ZNF560: variants seen among roughly 807,000 people sequenced by gnomAD.
ZNF560 encodes the protein zinc finger protein 560.
In ZNF560, 54 loss-of-function variants were observed where a neutral mutation model predicts 81.8. That is an observed-to-expected ratio of 0.66 (90% CI 0.53 to 0.83). ZNF560 has a LOEUF of 0.83. ZNF560 is among the 40% of genes least tolerant of loss of function. ZNF560 has a pLI of 0.00. For missense variants in ZNF560, 940 were observed against 932.4 expected, an observed-to-expected ratio of 1.01 and a Z score of -0.11; for synonymous variants, 321 against 317.9, an observed-to-expected ratio of 1.01 and a Z score of -0.10.
chr19:9,502,437 C>G (rs886593511), upstream of ZNF560, among the ~76,000 whole-genome samples: 1 of 152,120 alleles, frequency 6.6e-6, no homozygotes, highest in African/African-American at 2.4e-5. Context: ...GTCTTGATCT[C>G]TTTACCTTGT....
chr19:9,455,231 C>T, the ZNF560 span, among the ~76,000 whole-genome samples: 4 of 152,160 alleles, frequency 2.6e-5, no homozygotes, highest in Non-Finnish European at 5.9e-5. Context: ...AACAGGCTAT[C>T]AATCAGTATG....
At chr19:9,459,933 ACT>A in the ZNF560 span, among the ~76,000 whole-genome samples, 20 of 151,880 alleles carry the variant, frequency 1.3e-4, no homozygotes, top group African/African-American at 4.6e-4. Context: ...ATGTTCCAAG[ACT>A]CTTTTACATT....
chr19:9,497,534 C>CAAA (rs58468618), intron 2 of ZNF560, among the ~76,000 whole-genome samples: 105 of 67,450 alleles, frequency 1.6e-3, no homozygotes, highest in South Asian at 2.6e-3. Flanking sequence ...GACCCCCTCT[C>CAAA]AAAAAAAAAA....
intron 2 of ZNF560, among the ~76,000 whole-genome samples, chr19:9,492,454 C>T (rs1483769548): frequency 6.6e-6 from 1 of 152,180 alleles, no homozygotes; most frequent in Non-Finnish European, 1.5e-5. Context: ...AGGCTTTTGC[C>T]TATACAATGC....
At chr19:9,490,668 T>A (rs925229307) in intron 2 of ZNF560, among the ~76,000 whole-genome samples, 3 of 152,232 alleles carry the variant, frequency 2.0e-5, no homozygotes, top group African/African-American at 7.2e-5. Context: ...CTGTTCCAAT[T>A]ATAATTTACA....
chr19:9,458,237 G>A, the ZNF560 span, among the ~76,000 whole-genome samples: 3 of 152,042 alleles, frequency 2.0e-5, no homozygotes, highest in Non-Finnish European at 2.9e-5. Flanking sequence ...GACTTTGTGG[G>A]TATTCTCAAT....
Position 9,473,256 on chromosome 19 carries a change from A to C in ZNF560, c.161T>G (p.Phe54Cys), listed in dbSNP as rs1399436762. 5 of 1,607,654 alleles carry C rather than the reference A, an allele frequency of 3.1e-6. No individual in the cohort carries two copies. The highest frequency in any genetic ancestry group is 4.2e-6 in the Non-Finnish European group (5 of 1,177,092). ...GATGACACTGGGTTTAAAGAGCTGA[A>C]ATCCTTTACATGAAGAAATGATACA... ...ENYENVAKVGFQLFKPSVISW... is the reference protein window; with the variant it reads ...ENYENVAKVGCQLFKPSVISW... The change falls in exon 5 of 10, where the codon TTT becomes TGT. Residue 54 changes from phenylalanine (F) to cysteine (C), a missense_variant. Phe to Cys is a radical substitution (Grantham distance 205). Transcript: ENST00000301480.
At chr19:9,447,984 G>C in the ZNF560 span, among the ~76,000 whole-genome samples, 1 of 152,100 alleles carries the variant, frequency 6.6e-6, no homozygotes, top group Non-Finnish European at 1.5e-5. Flanking sequence ...AGGTACAAAG[G>C]GAATCTCGTC....
At chr19:9,492,889 G>C (rs1432829624) in intron 2 of ZNF560, among the ~76,000 whole-genome samples, 1 of 152,180 alleles carries the variant, frequency 6.6e-6, no homozygotes, top group Non-Finnish European at 1.5e-5. Context: ...AGTCCATAAT[G>C]GGGAATGCTT....
At chr19:9,471,409 T>TTC in intron 5 of ZNF560, 31 bp from the exon 6 acceptor site, 1 of 1,451,734 alleles carries the variant, frequency 6.9e-7, no homozygotes, top group Non-Finnish European at 9.2e-7. Context: ...GAGGTTTTTT[T>TTC]TTTTTTTAAA....
At chr19:9,459,639 A>G in the ZNF560 span, among the ~76,000 whole-genome samples, 1 of 152,120 alleles carries the variant, frequency 6.6e-6, no homozygotes, top group Non-Finnish European at 1.5e-5. Flanking sequence ...AGCCCACACT[A>G]TTTATTGGTG....
rs928349703 is a variant in ZNF560, at chr19:9,467,881, C to A, written c.1066G>T (p.Asp356Tyr). Residue 356 changes from aspartate (D) to tyrosine (Y), a missense_variant, in exon 10 of 10, where the codon GAT (aspartate) becomes TAT (tyrosine). Physicochemically the swap from Asp to Tyr is radical, Grantham distance 160. Transcript: ENST00000301480. ...TTAAGGTGGGTAGGGTATCTAAAAT[C>A]TTTTCCACATTCCTTACATTCATAG... ...NPYECKECGKDFRYPTHLNNH... is the reference protein window; with the variant it reads ...NPYECKECGKYFRYPTHLNNH... 5.0e-6 allele frequency: 8 copies of A among 1,614,174 alleles called. 1 individual carries two copies. The South Asian group carries it at 8.8e-5, about 18-fold the overall frequency.
At chr19:9,474,925 A>G (rs1036690274) in intron 3 of ZNF560, among the ~76,000 whole-genome samples, 1 of 144,122 alleles carries the variant, frequency 6.9e-6, no homozygotes, top group Non-Finnish European at 1.5e-5. Flanking sequence ...CTCACTTCTC[A>G]GCCTCCCAAA....
the ZNF560 span, among the ~76,000 whole-genome samples, chr19:9,453,773 C>T: frequency 1.3e-5 from 2 of 152,192 alleles, no homozygotes; most frequent in Non-Finnish European, 2.9e-5. Context: ...AATCCAGATT[C>T]AGCTGATTCT....
intron 2 of ZNF560, among the ~76,000 whole-genome samples, chr19:9,481,334 G>C (rs1057421918): frequency 1.3e-5 from 2 of 152,066 alleles, no homozygotes; most frequent in African/African-American, 4.8e-5. Context: ...AGAAAACCTA[G>C]GCAATGCCAT....
the ZNF560 span, among the ~76,000 whole-genome samples, chr19:9,459,480 C>A: frequency 6.6e-6 from 1 of 152,068 alleles, no homozygotes; most frequent in Non-Finnish European, 1.5e-5. Flanking sequence ...ATCTAAAGCC[C>A]TACTATGTTG....
intron 4 of ZNF560, 28 bp from the exon 5 acceptor site, chr19:9,473,287 G>T: frequency 6.4e-7 from 1 of 1,572,438 alleles, no homozygotes; most frequent in South Asian, 1.2e-5. Flanking sequence ...ATACATTAAT[G>T]GAAGAGGCTC....
the ZNF560 span, among the ~76,000 whole-genome samples, chr19:9,452,636 A>G: frequency 2.8e-4 from 42 of 152,354 alleles, no homozygotes; most frequent in African/African-American, 1.0e-3. Flanking sequence ...CATCCTAAAC[A>G]GATTAACACA....
intron 5 of ZNF560, among the ~76,000 whole-genome samples, chr19:9,472,113 A>G (rs2144692634): frequency 6.6e-6 from 1 of 151,912 alleles, no homozygotes; most frequent in Non-Finnish European, 1.5e-5. Flanking sequence ...CCGTCTCAAA[A>G]AAAAAAAAAA....
Sources: gnomAD v4.1 joint callset for allele counts (sites outside exome capture counted in the v4.1 genomes callset) on GRCh38, gnomAD v4.1.1 for gene constraint, MANE v1.5 for transcripts, NCBI Gene and HGNC (gene_info 2026-07-23, HGNC 2026-07-21) for gene names.